The following DLG2 variants were observed in gnomAD, a reference collection of about 807,000 sequenced individuals.
The protein encoded by DLG2 is discs large MAGUK scaffold protein 2.
In DLG2, 45 loss-of-function variants were observed where a neutral mutation model predicts 132.5. That is an observed-to-expected ratio of 0.34 (90% CI 0.27 to 0.44). The LOEUF is 0.44. Among genes scored for constraint, DLG2 ranks in the 20% least tolerant of loss-of-function variants. The pLI, the probability that DLG2 is intolerant of heterozygous loss-of-function variation, is 1.00. For missense variants in DLG2, 1,045 were observed against 1,196.9 expected (o/e 0.87, Z 1.87); for synonymous variants, 424 against 419.6 (o/e 1.01, Z -0.13).
At chr11:84,342,772 A>T (rs1332198696) in intron 7 of DLG2, among the ~76,000 whole-genome samples, 1 of 152,212 alleles carries the variant, frequency 6.6e-6, no homozygotes, top group African/African-American at 2.4e-5. Context: ...GTTTGGGAAC[A>T]CCAACACCAA....
intron 9 of DLG2, among the ~76,000 whole-genome samples, chr11:84,147,786 T>C (rs1596130123): frequency 6.6e-6 from 1 of 152,120 alleles, no homozygotes; most frequent in East Asian, 1.9e-4. Context: ...AGTAGAAGCA[T>C]ATATTTGCCT....
At chr11:84,975,515 G>A (rs2054773133) in intron 6 of DLG2, among the ~76,000 whole-genome samples, 1 of 152,170 alleles carries the variant, frequency 6.6e-6, no homozygotes. Flanking sequence ...AAAGTGATAA[G>A]CTTAGCAGAA....
chr11:85,394,971 A>G (rs2087163484), intron 3 of DLG2, among the ~76,000 whole-genome samples: 1 of 152,152 alleles, frequency 6.6e-6, no homozygotes, highest in South Asian at 2.1e-4. Context: ...TTGCACTATG[A>G]TATATAAGCC....
At chr11:85,340,581 A>G (rs997254913) in intron 3 of DLG2, among the ~76,000 whole-genome samples, 20 of 152,246 alleles carry the variant, frequency 1.3e-4, no homozygotes, top group Admixed American at 5.2e-4. Context: ...TGGCACATGT[A>G]TACCTACGTA....
intron 7 of DLG2, among the ~76,000 whole-genome samples, chr11:84,262,515 T>C (rs1456824254): frequency 6.6e-6 from 1 of 152,208 alleles, no homozygotes; most frequent in African/African-American, 2.4e-5. Context: ...GCAATTTTCA[T>C]CCTTTACTCC....
intron 19 of DLG2, among the ~76,000 whole-genome samples, chr11:83,629,756 G>A (rs2153453257): frequency 6.6e-6 from 1 of 152,206 alleles, no homozygotes; most frequent in Middle Eastern, 3.4e-3. Flanking sequence ...CTCTTCCAAG[G>A]CAGTGAACGA....
intron 6 of DLG2, among the ~76,000 whole-genome samples, chr11:84,699,249 G>A (rs187593593): frequency 6.6e-6 from 1 of 151,536 alleles, no homozygotes; most frequent in Admixed American, 6.6e-5. Flanking sequence ...TAAGTGCTTG[G>A]GCATGTTCCT....
At chr11:84,609,286 T>A (rs754880266) in intron 6 of DLG2, among the ~76,000 whole-genome samples, 1 of 152,120 alleles carries the variant, frequency 6.6e-6, no homozygotes, top group Non-Finnish European at 1.5e-5. Flanking sequence ...ATAGACCCTA[T>A]CTCAGTGGCT....
intron 18 of DLG2, among the ~76,000 whole-genome samples, chr11:83,716,449 G>A (rs1454674729): frequency 2.0e-5 from 3 of 152,192 alleles, no homozygotes; most frequent in Non-Finnish European, 1.5e-5. Context: ...GTGTCTCTCA[G>A]TAAGTTTTAT....
At chr11:83,558,881 G>A (rs1593169898) in intron 19 of DLG2, among the ~76,000 whole-genome samples, 1 of 150,950 alleles carries the variant, frequency 6.6e-6, no homozygotes, top group African/African-American at 2.5e-5. Context: ...GTGTGTGTGT[G>A]TGTGTGTATG....
At chr11:84,557,643 A>G (rs1427689412) in intron 6 of DLG2, among the ~76,000 whole-genome samples, 1 of 151,742 alleles carries the variant, frequency 6.6e-6, no homozygotes, top group Non-Finnish European at 1.5e-5. Flanking sequence ...TGTTATTATT[A>G]GTATATCACA....
rs1183795881 is a variant in DLG2 at position 85,512,014 on chromosome 11, G to T, written c.40+86643C>A. Among the ~76,000 whole-genome samples, 4 of 152,156 alleles carry T rather than the reference G, an allele frequency of 2.6e-5. No homozygotes were observed. In the East Asian group the frequency reaches 7.7e-4, roughly 29 times the overall value. ...ACCAATGTGAAAAACAAAAATATTT[G>T]ACTGCAGTTCCATGGTGTTTCTCAG... On this transcript the variant is annotated intron_variant, in intron 3 of 27. Transcript: ENST00000376104.
At chr11:84,835,882 C>T (rs2079694679) in intron 6 of DLG2, among the ~76,000 whole-genome samples, 1 of 151,634 alleles carries the variant, frequency 6.6e-6, no homozygotes, top group South Asian at 2.1e-4. Context: ...CTTATTTAAG[C>T]TGGAAAAATG....
intron 6 of DLG2, among the ~76,000 whole-genome samples, chr11:85,101,836 G>T (rs2070894064): frequency 1.3e-5 from 2 of 151,988 alleles, no homozygotes; most frequent in Non-Finnish European, 2.9e-5. Context: ...CTTAAAGAAA[G>T]CCCATTATTA....
At chr11:84,257,445 A>G (rs2097491452) in intron 7 of DLG2, among the ~76,000 whole-genome samples, 2 of 152,222 alleles carry the variant, frequency 1.3e-5, no homozygotes. Flanking sequence ...TAATAAGTGT[A>G]TGTACTTATA....
At chr11:84,793,727 C>T (rs1437181312) in intron 6 of DLG2, among the ~76,000 whole-genome samples, 1 of 152,088 alleles carries the variant, frequency 6.6e-6, no homozygotes, top group African/African-American at 2.4e-5. Flanking sequence ...GCTACTACTG[C>T]TCTTTTTTTG....
chr11:84,923,324 A>G, intron 6 of DLG2: 1 of 1,360,874 alleles, frequency 7.3e-7, no homozygotes, highest in Non-Finnish European at 9.5e-7. Flanking sequence ...TTGGCTATAT[A>G]TAGCATTATG....
At chr11:83,473,833 A>G (rs1013431505) in intron 22 of DLG2, among the ~76,000 whole-genome samples, 6 of 152,118 alleles carry the variant, frequency 3.9e-5, no homozygotes, top group Admixed American at 6.6e-5. Flanking sequence ...CCACAGAAAG[A>G]GAGGTAATTT....
chr11:84,612,982 T>C (rs955756531), intron 6 of DLG2, among the ~76,000 whole-genome samples: 3 of 152,180 alleles, frequency 2.0e-5, no homozygotes, highest in South Asian at 2.1e-4. Context: ...CTTTATAAAA[T>C]GGGGTACACA....
Sources: gnomAD v4.1 joint callset for allele counts (sites outside exome capture counted in the v4.1 genomes callset) on GRCh38, gnomAD v4.1.1 for gene constraint, MANE v1.5 for transcripts, NCBI Gene and HGNC (gene_info 2026-07-23, HGNC 2026-07-21) for gene names.